Variants in DLGAP2 observed in about 807,000 individuals in gnomAD.
DLGAP2 encodes DLG associated protein 2.
A neutral mutation model predicts 100.3 loss-of-function variants in DLGAP2; 26 were observed. That is an observed-to-expected ratio of 0.26 (90% CI 0.19 to 0.36). The LOEUF (loss-of-function observed/expected upper bound fraction) is 0.36, where lower values mean the gene tolerates loss of function less well. DLGAP2 is among the 10% of genes least tolerant of loss of function. The probability of loss-of-function intolerance (pLI) is 1.00; values close to 1 mark genes in which losing one functional copy is unlikely to be tolerated. For missense variants in DLGAP2, 1,858 were observed against 1,453.2 expected (o/e 1.28, Z -4.53); for synonymous variants, 886 against 630.1 (o/e 1.41, Z -6.08).
At chr8:1,486,812 A>G (rs752574386) in intron 3 of DLGAP2, among the ~76,000 whole-genome samples, 1 of 152,268 alleles carries the variant, frequency 6.6e-6, no homozygotes, top group Non-Finnish European at 1.5e-5. Flanking sequence ...ACAAACAAGT[A>G]GTAAAACACA....
intron 2 of DLGAP2, among the ~76,000 whole-genome samples, chr8:1,050,193 A>T (rs1027058643): frequency 6.6e-6 from 1 of 152,240 alleles, no homozygotes; most frequent in African/African-American, 2.4e-5. Flanking sequence ...CAGCTTTTAA[A>T]TATTCATTAT....
chr8:916,872 A>G (rs1798604777), intron 2 of DLGAP2, among the ~76,000 whole-genome samples: 2 of 152,160 alleles, frequency 1.3e-5, no homozygotes, highest in Admixed American at 6.5e-5. Context: ...GCTCCTAGAG[A>G]GCTGCGTTGA....
intron 2 of DLGAP2, among the ~76,000 whole-genome samples, chr8:1,127,523 G>T (rs1007130888): frequency 1.3e-5 from 2 of 152,134 alleles, no homozygotes; most frequent in African/African-American, 4.8e-5. Context: ...ATCATTTGGG[G>T]CAGTGGCATT....
At chr8:1,088,119 C>T (rs1804037611) in intron 2 of DLGAP2, among the ~76,000 whole-genome samples, 1 of 152,352 alleles carries the variant, frequency 6.6e-6, no homozygotes, top group Middle Eastern at 3.4e-3. Context: ...GAGAGCTTTG[C>T]TTGTTCCACG....
At chr8:1,361,545 T>G (rs771285371) in intron 3 of DLGAP2, among the ~76,000 whole-genome samples, 3 of 152,254 alleles carry the variant, frequency 2.0e-5, no homozygotes, top group Non-Finnish European at 4.4e-5. Flanking sequence ...TTCAGCTTCT[T>G]CTTGCTCGTG....
intron 6 of DLGAP2, among the ~76,000 whole-genome samples, chr8:1,624,869 G>GTCTCTCTC (rs200257386): frequency 6.7e-5 from 10 of 149,668 alleles, no homozygotes; most frequent in African/African-American, 2.2e-4. Flanking sequence ...CTCTCTCTCT[G>GTCTCTCTC]TCTCTCTCTC....
chr8:1,326,972 C>G (rs1233284705), intron 3 of DLGAP2, among the ~76,000 whole-genome samples: 1 of 152,224 alleles, frequency 6.6e-6, no homozygotes, highest in African/African-American at 2.4e-5. Context: ...ATGTCTTGAG[C>G]AATGACACAG....
chr8:1,601,979 T>TGTGTGTGTGA (rs1171688238), intron 6 of DLGAP2, among the ~76,000 whole-genome samples: 3 of 151,560 alleles, frequency 2.0e-5, no homozygotes, highest in Admixed American at 2.0e-4. Flanking sequence ...TGTGTGTGTG[T>TGTGTGTGTGA]GATCAGCCCG....
intron 3 of DLGAP2, among the ~76,000 whole-genome samples, chr8:1,342,063 A>G (rs1206438586): frequency 1.3e-5 from 2 of 151,750 alleles, no homozygotes; most frequent in African/African-American, 2.4e-5. Flanking sequence ...TGATTCTCTC[A>G]CCTCAGCTTC....
chr8:1,364,049 G>A (rs1802048646), intron 3 of DLGAP2, among the ~76,000 whole-genome samples: 1 of 152,112 alleles, frequency 6.6e-6, no homozygotes, highest in South Asian at 2.1e-4. Context: ...CCCATATGGG[G>A]GTCTTCCTCA....
At chr8:1,411,001 A>T (rs1253033411) in intron 3 of DLGAP2, among the ~76,000 whole-genome samples, 1 of 152,126 alleles carries the variant, frequency 6.6e-6, no homozygotes, top group African/African-American at 2.4e-5. Flanking sequence ...TTGCCAGCTA[A>T]ACTAATATTT....
chr8:745,547 C>T (rs1820597925), intron 1 of DLGAP2, among the ~76,000 whole-genome samples: 1 of 152,184 alleles, frequency 6.6e-6, no homozygotes, highest in Admixed American at 6.5e-5. Flanking sequence ...AAAAACTCTT[C>T]TTTACATGTA....
At chr8:797,010 T>C (rs1458078507) in intron 1 of DLGAP2, among the ~76,000 whole-genome samples, 2 of 152,262 alleles carry the variant, frequency 1.3e-5, no homozygotes, top group African/African-American at 2.4e-5. Flanking sequence ...GATAGTATCT[T>C]GTACTTAAAA....
chr8:1,566,723 A>G lies in DLGAP2; in HGVS notation c.1442+829A>G, dbSNP rs144992294. 9.2e-5 allele frequency among the ~76,000 whole-genome samples: 14 copies of G among 152,318 alleles called. No homozygotes were observed. In the East Asian group the frequency reaches 2.5e-3, roughly 27 times the overall value. ...ACAGGGCCCTCCCTGTATTGTCTCT[A>G]TCCACGCCGAGTGCACCCAGTGATG... On this transcript the variant is annotated intron_variant, in intron 6 of 14. Transcript: ENST00000637795.
At chr8:1,209,225 G>A (rs1467262368) in intron 2 of DLGAP2, among the ~76,000 whole-genome samples, 1 of 152,084 alleles carries the variant, frequency 6.6e-6, no homozygotes, top group Non-Finnish European at 1.5e-5. Flanking sequence ...CGAATCTGGA[G>A]GCATCACATT....
chr8:1,427,444 G>A (rs763869), intron 3 of DLGAP2, among the ~76,000 whole-genome samples: 79,343 of 152,048 alleles, frequency 0.52, 21,016 homozygotes, highest in South Asian at 0.72. Flanking sequence ...ATGTAATGCA[G>A]TTGAGTTAGA....
chr8:1,536,687 G>C (rs936639193), intron 4 of DLGAP2, among the ~76,000 whole-genome samples: 1 of 152,202 alleles, frequency 6.6e-6, no homozygotes, highest in African/African-American at 2.4e-5. Context: ...AGCAGACTCT[G>C]AATCTGAACC....
intron 2 of DLGAP2, among the ~76,000 whole-genome samples, chr8:948,075 C>T (rs1242462832): frequency 8.0e-5 from 12 of 150,400 alleles, no homozygotes; most frequent in African/African-American, 2.7e-4. Context: ...ATGGCTTCCC[C>T]GACCCCATGC....
At chr8:1,688,716 G>GTTTT (rs932060452) in intron 12 of DLGAP2, among the ~76,000 whole-genome samples, 11 of 152,176 alleles carry the variant, frequency 7.2e-5, no homozygotes, top group African/African-American at 2.4e-4. Context: ...AGAAAAATAG[G>GTTTT]TTTTTAAGTC....
Sources: gnomAD v4.1 joint callset for allele counts (sites outside exome capture counted in the v4.1 genomes callset) on GRCh38, gnomAD v4.1.1 for gene constraint, MANE v1.5 for transcripts, NCBI Gene and HGNC (gene_info 2026-07-23, HGNC 2026-07-21) for gene names.